PDE11A: variants seen among roughly 807,000 people sequenced by gnomAD.
The protein encoded by PDE11A is dual 3',5'-cyclic-AMP and -GMP phosphodiesterase 11A.
Under a neutral mutation model 100.5 loss-of-function variants are expected in PDE11A, and 100 were observed. That is an observed-to-expected ratio of 1.00 (90% CI 0.85 to 1.18). The LOEUF (loss-of-function observed/expected upper bound fraction) is 1.18, where lower values mean the gene tolerates loss of function less well. Among genes scored for constraint, PDE11A ranks in the 50% most tolerant of loss-of-function variants. The pLI, the probability that PDE11A is intolerant of heterozygous loss-of-function variation, is 0.00. For missense variants in PDE11A, 1,141 were observed against 1,152.6 expected, an observed-to-expected ratio of 0.99 and a Z score of 0.15; for synonymous variants, 381 against 420.8, an observed-to-expected ratio of 0.91 and a Z score of 1.16.
intron 2 of PDE11A, among the ~76,000 whole-genome samples, chr2:177,953,634 T>G (rs2085529214): frequency 6.6e-6 from 1 of 152,140 alleles, no homozygotes; most frequent in South Asian, 2.1e-4. Flanking sequence ...CTTCATCAGA[T>G]TTAAATTATT....
Position 177,910,142 on chromosome 2 carries a change from G to T in PDE11A, c.1072-4955C>A, listed in dbSNP as rs1310042073. On this transcript the variant is annotated intron_variant, in intron 2 of 19. Transcript: ENST00000286063. Reference sequence around the variant, plus strand: ...TCATGACTCATTGCACACTGAGAGAGAATCTTTGTTAATGTAGGAAATGTT... The same window carrying T: ...TCATGACTCATTGCACACTGAGAGATAATCTTTGTTAATGTAGGAAATGTT... Among the ~76,000 whole-genome samples, 3 of 152,138 alleles carry T rather than the reference G, an allele frequency of 2.0e-5. No homozygotes were observed. In the East Asian group the frequency reaches 5.8e-4, roughly 29 times the overall value.
chr2:177,925,855 T>A (rs1316820170), intron 2 of PDE11A, among the ~76,000 whole-genome samples: 1 of 152,158 alleles, frequency 6.6e-6, no homozygotes, highest in South Asian at 2.1e-4. Flanking sequence ...AATAAAAAAA[T>A]GAAATCTTTT....
At chr2:177,921,471 CA>C (rs370144102) in intron 2 of PDE11A, among the ~76,000 whole-genome samples, 10,135 of 98,118 alleles carry the variant, frequency 0.1, 296 homozygotes, top group South Asian at 0.14. Context: ...CATCTAAAAG[CA>C]AAAAAAAAAA....
intron 4 of PDE11A, among the ~76,000 whole-genome samples, chr2:177,880,054 A>G (rs987179098): frequency 6.6e-6 from 1 of 152,208 alleles, no homozygotes; most frequent in African/African-American, 2.4e-5. Context: ...CTCCAGTAAA[A>G]TGGCTTATGG....
chr2:178,064,841 C>A (rs759396904), intron 1 of PDE11A, among the ~76,000 whole-genome samples: 8 of 151,762 alleles, frequency 5.3e-5, no homozygotes, highest in South Asian at 2.1e-4. Flanking sequence ...TCATAGGTTT[C>A]CCCTTTTTTT....
At chr2:177,738,568 T>C (rs886266207) in intron 10 of PDE11A, among the ~76,000 whole-genome samples, 1 of 152,192 alleles carries the variant, frequency 6.6e-6, no homozygotes, top group African/African-American at 2.4e-5. Flanking sequence ...TCAGACCTAC[T>C]ATGCTCTCTG....
At chr2:177,668,372 TA>T (rs1477412244) in intron 18 of PDE11A, among the ~76,000 whole-genome samples, 5 of 152,230 alleles carry the variant, frequency 3.3e-5, no homozygotes, top group Non-Finnish European at 7.3e-5. Flanking sequence ...TACTAGGTTT[TA>T]TACATTAACT....
chr2:177,623,258 A>G lies in PDE11A; in HGVS notation c.*6149T>C, dbSNP rs1159592245. The G allele has an allele frequency of 6.6e-6, 1 of 152,230 alleles. No homozygotes were observed. Among genetic ancestry groups the G allele is most frequent in the Non-Finnish European group, 1.5e-5 (1 of 68,042 alleles). 9.4% of individuals were successfully genotyped at this position (152,230 alleles called of 1,614,324 possible). A position where few individuals can be genotyped will look rare whatever the true frequency, so the allele number is the denominator to read the frequency against. ...TATTCCAGAGCTTTAGTTAAACTCT[A>G]AGTATTTTATTAAAAACAAAGATAT... On this transcript the variant is annotated 3_prime_UTR_variant, in exon 20 of 20. Coordinates refer to ENST00000286063, the MANE Select transcript of PDE11A (RefSeq NM_016953.4).
At chr2:177,728,921 A>C (rs1352605433) in intron 10 of PDE11A, among the ~76,000 whole-genome samples, 1 of 152,150 alleles carries the variant, frequency 6.6e-6, no homozygotes, top group Non-Finnish European at 1.5e-5. Context: ...AGAGGAGAAA[A>C]AAAATCTTTG....
chr2:177,852,433 G>A lies in PDE11A; in HGVS notation c.1368-12050C>T, dbSNP rs539595273. Among the ~76,000 whole-genome samples, 12 of 152,160 alleles carry A rather than the reference G, an allele frequency of 7.9e-5. No homozygotes were observed. The East Asian group carries it at 2.1e-3, about 27-fold the overall frequency. On this transcript the variant is annotated intron_variant, in intron 5 of 19. Transcript: ENST00000286063. The stretch of plus-strand genomic sequence containing the variant: ...ATAGTATTTGACATTTTGTTTCATT[G>A]ACTAGAGGTCAATCTGAGGTTGGGT...
At chr2:177,740,772 C>A (rs1449862377) in intron 10 of PDE11A, among the ~76,000 whole-genome samples, 1 of 152,158 alleles carries the variant, frequency 6.6e-6, no homozygotes, top group Non-Finnish European at 1.5e-5. Context: ...TTTTTGTGGT[C>A]TTGTGAATCT....
chr2:177,744,516 T>A (rs1010937676), intron 10 of PDE11A, among the ~76,000 whole-genome samples: 3 of 152,006 alleles, frequency 2.0e-5, no homozygotes, highest in African/African-American at 7.2e-5. Context: ...GTGTAGGAGG[T>A]CAAGGGTCCA....
Position 177,999,830 on chromosome 2 carries a change from C to A in PDE11A, c.1071+14472G>T, listed in dbSNP as rs553405239. On this transcript the variant is annotated intron_variant, in intron 2 of 19. Transcript: ENST00000286063. Reference sequence around the variant, plus strand: ...TTTTAGTTTTATTTAAACCCCCTTTCAAGAACTGTGTCTAATAGACCTTCA... The same window carrying A: ...TTTTAGTTTTATTTAAACCCCCTTTAAAGAACTGTGTCTAATAGACCTTCA... Among the ~76,000 whole-genome samples, 11 of 152,324 alleles carry A rather than the reference C, an allele frequency of 7.2e-5. No individual in the cohort carries two copies. The South Asian group carries it at 1.2e-3, about 17-fold the overall frequency.
At chr2:177,846,983 A>G (rs941019954) in intron 5 of PDE11A, among the ~76,000 whole-genome samples, 1 of 152,142 alleles carries the variant, frequency 6.6e-6, no homozygotes, top group Non-Finnish European at 1.5e-5. Context: ...CATGGACCTC[A>G]TTATCTGACA....
At chr2:177,990,193 A>G (rs1422370048) in intron 2 of PDE11A, among the ~76,000 whole-genome samples, 1 of 152,238 alleles carries the variant, frequency 6.6e-6, no homozygotes, top group East Asian at 1.9e-4. Flanking sequence ...ATGATTAGTA[A>G]CCATGTACTC....
At chr2:177,984,176 AT>A (rs546818903) in intron 2 of PDE11A, among the ~76,000 whole-genome samples, 2 of 152,180 alleles carry the variant, frequency 1.3e-5, no homozygotes, top group Non-Finnish European at 2.9e-5. Context: ...GACCACTATA[AT>A]TTGAAAGTGG....
rs906687662 is a variant in PDE11A at position 177,623,432 on chromosome 2, A to G, written c.*5975T>C. ...TTTCAAACAACTCAATTGAAAACGT[A>G]TTTCCTTTCTTTCGTGTAAAACAAT... is the stretch of plus-strand genomic sequence containing the variant. On this transcript the variant is annotated 3_prime_UTR_variant, in exon 20 of 20. Transcript: ENST00000286063. 14 of 152,228 alleles carry G rather than the reference A, an allele frequency of 9.2e-5. No individual in the cohort carries two copies. The highest frequency in any genetic ancestry group is 3.1e-4 in the African/African-American group (13 of 41,462). The allele number at this position is 152,228 out of a possible 1,614,324, so 9.4% of individuals were successfully genotyped here.
intron 15 of PDE11A, chr2:177,687,529 G>A (rs2080970961): frequency 6.6e-6 from 1 of 152,114 alleles, no homozygotes; most frequent in African/African-American, 2.4e-5. Context: ...ACTGATGTAT[G>A]CTATTTCCAT....
intron 11 of PDE11A, 71 bp downstream of exon 11, chr2:177,727,955 A>T: frequency 7.4e-7 from 1 of 1,354,310 alleles, no homozygotes; most frequent in South Asian, 1.2e-5. Context: ...TATTTGGGAA[A>T]CCAGTGGTTC....
Sources: gnomAD v4.1 joint callset for allele counts (sites outside exome capture counted in the v4.1 genomes callset) on GRCh38, gnomAD v4.1.1 for gene constraint, MANE v1.5 for transcripts, NCBI Gene and HGNC (gene_info 2026-07-23, HGNC 2026-07-21) for gene names.